PATJ: variants seen among roughly 807,000 people sequenced by gnomAD.
PATJ encodes the protein inaD-like protein.
In PATJ, 190 loss-of-function variants were observed where a neutral mutation model predicts 224.9. That is an observed-to-expected ratio of 0.84 (90% CI 0.75 to 0.95). The LOEUF (loss-of-function observed/expected upper bound fraction) is 0.95. PATJ is among the 40% of genes least tolerant of loss of function. PATJ has a pLI of 0.00. For missense variants in PATJ, 2,121 were observed against 2,270.3 expected (o/e 0.93, Z 1.34); for synonymous variants, 769 against 820.3 (o/e 0.94, Z 1.07).
At position 62,037,945 on chromosome 1, in the gene PATJ, G is replaced by A. The variant is rs555161199; in HGVS notation, c.3960-32G>A. ...GAGCCAGGAACTTAGCATTTACTGT[G>A]TACTGATTCTGCCTATTTTAACACT... On this transcript the variant is annotated intron_variant, in intron 29 of 43. Transcript: ENST00000642238. 20 of 1,499,070 alleles carry A rather than the reference G, an allele frequency of 1.3e-5. No homozygotes were observed. In the African/African-American group the frequency reaches 1.4e-4, roughly 10 times the overall value. 92.9% of individuals were successfully genotyped at this position (1,499,070 alleles called of 1,614,324 possible).
At chr1:62,013,935 A>G (rs944085105) in intron 28 of PATJ, among the ~76,000 whole-genome samples, 1 of 152,054 alleles carries the variant, frequency 6.6e-6, no homozygotes, top group Admixed American at 6.6e-5. Flanking sequence ...CACGATGCCC[A>G]GCTAATTTTT....
chr1:62,094,255 G>A (rs541470981), intron 33 of PATJ, among the ~76,000 whole-genome samples: 114 of 152,178 alleles, frequency 7.5e-4, no homozygotes, highest in African/African-American at 2.7e-3. Flanking sequence ...TTATCCAGGT[G>A]TGGTGGTGTG....
intron 1 of PATJ, among the ~76,000 whole-genome samples, chr1:61,761,536 T>G (rs1231367785): frequency 6.6e-6 from 1 of 152,114 alleles, no homozygotes; most frequent in Non-Finnish European, 1.5e-5. Context: ...GAAGAAACAG[T>G]AAAACCTGAG....
intron 17 of PATJ, among the ~76,000 whole-genome samples, chr1:61,850,102 A>G (rs1322845466): frequency 5.3e-5 from 8 of 152,030 alleles, no homozygotes; most frequent in Admixed American, 1.3e-4. Flanking sequence ...TGGATTTGTC[A>G]TCTAGGTTTT....
intron 42 of PATJ, among the ~76,000 whole-genome samples, chr1:62,148,806 G>C (rs1021736128): frequency 1.3e-5 from 2 of 152,074 alleles, no homozygotes; most frequent in Non-Finnish European, 2.9e-5. Context: ...CATTAAAGCA[G>C]GGTTTCTCAA....
At chr1:61,779,549 G>C (rs1647129980) in intron 7 of PATJ, among the ~76,000 whole-genome samples, 1 of 152,052 alleles carries the variant, frequency 6.6e-6, no homozygotes, top group African/African-American at 2.4e-5. Context: ...ATTAGTGTTT[G>C]ACCAAAACAG....
intron 16 of PATJ, among the ~76,000 whole-genome samples, chr1:61,828,401 G>GT (rs34139565): frequency 0.087 from 12,310 of 141,008 alleles, 665 homozygotes; most frequent in South Asian, 0.14. Flanking sequence ...TATGAAAAGA[G>GT]TTTTTTTTTT....
chr1:61,859,645 T>C (rs1664246399), intron 18 of PATJ, among the ~76,000 whole-genome samples: 1 of 151,946 alleles, frequency 6.6e-6, no homozygotes, highest in Non-Finnish European at 1.5e-5. Context: ...TGAGATGGAG[T>C]TTCACTCTTG....
intron 20 of PATJ, among the ~76,000 whole-genome samples, chr1:61,867,195 T>A (rs1164199570): frequency 6.6e-6 from 1 of 152,190 alleles, no homozygotes; most frequent in Non-Finnish European, 1.5e-5. Context: ...CCAGCGCTAT[T>A]CAAGATGGAG....
intron 31 of PATJ, among the ~76,000 whole-genome samples, chr1:62,077,438 C>T (rs1343374204): frequency 6.6e-6 from 1 of 152,066 alleles, no homozygotes; most frequent in Non-Finnish European, 1.5e-5. Flanking sequence ...CCTGTAATCC[C>T]AGCACTCTGA....
chr1:62,034,699 C>T (rs928686088), intron 29 of PATJ, among the ~76,000 whole-genome samples: 2 of 152,086 alleles, frequency 1.3e-5, no homozygotes, highest in Non-Finnish European at 2.9e-5. Context: ...GGATTATGAA[C>T]TGTAACTTCT....
At chr1:61,767,055 T>A (rs993434572) in intron 4 of PATJ, among the ~76,000 whole-genome samples, 5 of 152,130 alleles carry the variant, frequency 3.3e-5, no homozygotes, top group African/African-American at 1.2e-4. Flanking sequence ...ATTGCGCCAC[T>A]GTACTCCAGC....
At chr1:62,137,840 G>C (rs1464343957) in intron 41 of PATJ, among the ~76,000 whole-genome samples, 1 of 151,992 alleles carries the variant, frequency 6.6e-6, no homozygotes, top group African/African-American at 2.4e-5. Flanking sequence ...CTTCAGGCCA[G>C]TGGCCTCCCT....
chr1:61,813,319 C>A (rs1655226702), intron 14 of PATJ, among the ~76,000 whole-genome samples: 1 of 130,510 alleles, frequency 7.7e-6, no homozygotes, highest in African/African-American at 2.9e-5. Flanking sequence ...TCCTGATCAA[C>A]CTCTATGGAA....
chr1:61,852,338 C>A (rs1005520026), intron 17 of PATJ, among the ~76,000 whole-genome samples: 1 of 152,014 alleles, frequency 6.6e-6, no homozygotes, highest in Non-Finnish European at 1.5e-5. Context: ...TAGTCTAAAG[C>A]GGCATCTTGA....
At chr1:62,033,086 G>T (rs761061487) in intron 29 of PATJ, among the ~76,000 whole-genome samples, 1 of 152,116 alleles carries the variant, frequency 6.6e-6, no homozygotes, top group Admixed American at 6.5e-5. Context: ...GAGATTTTGG[G>T]TGAGGACACA....
At chr1:62,050,523 C>T (rs1372588369) in intron 30 of PATJ, among the ~76,000 whole-genome samples, 2 of 152,244 alleles carry the variant, frequency 1.3e-5, no homozygotes, top group East Asian at 1.9e-4. Flanking sequence ...AACTTGGGCT[C>T]ATGCTCTCTT....
chr1:61,755,239 G>T (rs957920740), intron 1 of PATJ, among the ~76,000 whole-genome samples: 1 of 151,144 alleles, frequency 6.6e-6, no homozygotes, highest in African/African-American at 2.4e-5. Flanking sequence ...AACCCAGGAG[G>T]TGGAGCTTAC....
chr1:61,990,350 G>A lies in PATJ; in HGVS notation c.3853G>A (p.Asp1285Asn). 1.2e-6 allele frequency: 2 copies of A among 1,612,516 alleles called. No homozygotes were observed. The highest frequency in any genetic ancestry group is 1.7e-6 in the Non-Finnish European group (2 of 1,179,442). ...AAADGRMRIG[D>N]ELLEINNQIL... ...CGCAGATGGACGAATGCGTATTGGA[G>A]ATGAACTCTTAGAGGTGAGAAGCAT... is the stretch of plus-strand genomic sequence containing the variant. Residue 1285 changes from aspartate to asparagine, a missense_variant, in exon 28 of 44, where the codon GAT becomes AAT. Asp to Asn is a conservative substitution (Grantham distance 23). Transcript: ENST00000642238.
Sources: gnomAD v4.1 joint callset for allele counts (sites outside exome capture counted in the v4.1 genomes callset) on GRCh38, gnomAD v4.1.1 for gene constraint, MANE v1.5 for transcripts, NCBI Gene and HGNC (gene_info 2026-07-23, HGNC 2026-07-21) for gene names.